KCNMB2: variants seen among roughly 807,000 people sequenced by gnomAD.
The protein encoded by KCNMB2 is calcium-activated potassium channel subunit beta-2.
Under a neutral mutation model 24.5 loss-of-function variants are expected in KCNMB2, and 9 were observed. That is an observed-to-expected ratio of 0.37 (90% confidence interval 0.22 to 0.64). The LOEUF is 0.64. KCNMB2 is among the 30% of genes least tolerant of loss of function. KCNMB2 has a pLI of 0.63. For missense variants in KCNMB2, 226 were observed against 284.3 expected (o/e 0.79, Z 1.47); for synonymous variants, 109 against 104.4 (o/e 1.04, Z -0.27).
chr3:178,766,826 A>G (rs1712141971), intron 1 of KCNMB2, among the ~76,000 whole-genome samples: 1 of 152,212 alleles, frequency 6.6e-6, no homozygotes, highest in African/African-American at 2.4e-5. Context: ...AACAACTTAC[A>G]TACCCTGAAA....
At chr3:178,820,681 A>C (rs1714589044) in intron 2 of KCNMB2, 1 of 152,690 alleles carries the variant, frequency 6.5e-6, no homozygotes, top group Admixed American at 6.5e-5. Context: ...ACTACATAAA[A>C]GGAGCTCAAA....
intron 4 of KCNMB2, among the ~76,000 whole-genome samples, chr3:178,837,083 C>A (rs1715261445): frequency 6.6e-6 from 1 of 152,106 alleles, no homozygotes; most frequent in Admixed American, 6.6e-5. Flanking sequence ...CAGCACAATG[C>A]AAATCTCCTA....
rs1430382950 is a variant in KCNMB2, at chr3:178,694,295, T to G, written c.-67-113048T>G. 3.3e-5 allele frequency among the ~76,000 whole-genome samples: 5 copies of G among 152,144 alleles called. 1 individual carries two copies. Among genetic ancestry groups the G allele is most frequent in the Admixed American group, 3.3e-4 (5 of 15,272 alleles). ...TCCACCTAGTCCCTCCTATAACATGTGGGGATCATGGGAACCACAATTAAA... is the reference window on the plus strand; with the variant it reads ...TCCACCTAGTCCCTCCTATAACATGGGGGGATCATGGGAACCACAATTAAA... On this transcript the variant is annotated intron_variant, in intron 1 of 4. Transcript: ENST00000452583.
chr3:178,693,819 G>A (rs1300192264), intron 1 of KCNMB2, among the ~76,000 whole-genome samples: 1 of 151,866 alleles, frequency 6.6e-6, no homozygotes, highest in Non-Finnish European at 1.5e-5. Context: ...AGTAGGAATT[G>A]TACCAGCTCT....
At chr3:178,573,095 C>T (rs187575852) in intron 1 of KCNMB2, among the ~76,000 whole-genome samples, 1 of 152,024 alleles carries the variant, frequency 6.6e-6, no homozygotes, top group Non-Finnish European at 1.5e-5. Context: ...CTGCAACTTT[C>T]GCCTCCCGGG....
chr3:178,833,062 C>A, intron 4 of KCNMB2, among the ~76,000 whole-genome samples: 1 of 22,910 alleles, frequency 4.4e-5, no homozygotes, highest in East Asian at 3.3e-4. Context: ...AAATTATTTC[C>A]ACTTACTTCT....
At chr3:178,661,385 A>C (rs1311275355) in intron 1 of KCNMB2, among the ~76,000 whole-genome samples, 2 of 152,116 alleles carry the variant, frequency 1.3e-5, no homozygotes, top group African/African-American at 4.8e-5. Flanking sequence ...TCTAGTCTAC[A>C]TTGATGGGCA....
chr3:178,700,702 A>G (rs1722058281), intron 1 of KCNMB2, among the ~76,000 whole-genome samples: 1 of 152,182 alleles, frequency 6.6e-6, no homozygotes, highest in African/African-American at 2.4e-5. Context: ...TGACATAGAA[A>G]CAAGAGCTCA....
chr3:178,594,570 A>G lies in KCNMB2; in HGVS notation c.-68+57859A>G, dbSNP rs1017585765. The stretch of plus-strand genomic sequence containing the variant: ...GATAGAATAGAAAGAGCATGTTTGC[A>G]GAGAATAGGAGCAAATTAGAAGTTC... On this transcript the variant is annotated intron_variant, in intron 1 of 4. Transcript: ENST00000452583. 2.0e-5 allele frequency among the ~76,000 whole-genome samples: 3 copies of G among 152,086 alleles called. No individual in the cohort carries two copies. In the South Asian group the frequency reaches 6.2e-4, roughly 31 times the overall value.
intron 1 of KCNMB2, among the ~76,000 whole-genome samples, chr3:178,597,572 A>T (rs147606359): frequency 1.3e-5 from 2 of 152,300 alleles, no homozygotes; most frequent in East Asian, 3.9e-4. Flanking sequence ...CATGCAAAGC[A>T]TGAATGGGAA....
chr3:178,817,165 C>A (rs1218535930), intron 2 of KCNMB2, among the ~76,000 whole-genome samples: 1 of 143,358 alleles, frequency 7.0e-6, no homozygotes, highest in African/African-American at 2.8e-5. Context: ...TGAATTAATA[C>A]GTTGGCAATA....
At chr3:178,710,299 C>T (rs567163344) in intron 1 of KCNMB2, among the ~76,000 whole-genome samples, 1 of 152,240 alleles carries the variant, frequency 6.6e-6, no homozygotes, top group South Asian at 2.1e-4. Context: ...GAGGTATATT[C>T]ACTTCTGAAC....
At chr3:178,599,967 T>C (rs1207501448) in intron 1 of KCNMB2, among the ~76,000 whole-genome samples, 1 of 152,194 alleles carries the variant, frequency 6.6e-6, no homozygotes, top group Non-Finnish European at 1.5e-5. Context: ...AATCTCCACT[T>C]CCTGGGTTTA....
chr3:178,699,138 G>T (rs1721990911), intron 1 of KCNMB2, among the ~76,000 whole-genome samples: 1 of 152,250 alleles, frequency 6.6e-6, no homozygotes, highest in Non-Finnish European at 1.5e-5. Context: ...TGCACTAGAA[G>T]TGGTGTTGGC....
intron 1 of KCNMB2, among the ~76,000 whole-genome samples, chr3:178,544,929 A>T (rs959279658): frequency 6.6e-6 from 1 of 152,204 alleles, no homozygotes; most frequent in Non-Finnish European, 1.5e-5. Context: ...TTTAAAAACA[A>T]CCTCTTGATT....
intron 1 of KCNMB2, among the ~76,000 whole-genome samples, chr3:178,703,220 A>G (rs1182483879): frequency 1.3e-5 from 2 of 152,148 alleles, no homozygotes; most frequent in Non-Finnish European, 2.9e-5. Context: ...CTAAGTGCCG[A>G]ATACATTCTT....
intron 1 of KCNMB2, among the ~76,000 whole-genome samples, chr3:178,589,184 G>A (rs537833304): frequency 2.0e-5 from 3 of 152,284 alleles, no homozygotes; most frequent in African/African-American, 7.2e-5. Flanking sequence ...CGTTCTAACA[G>A]CTCAGCTTCC....
chr3:178,835,723 G>GTTTA (rs1715203676), intron 4 of KCNMB2, among the ~76,000 whole-genome samples: 1 of 151,018 alleles, frequency 6.6e-6, no homozygotes, highest in Non-Finnish European at 1.5e-5. Context: ...GTTTTTGTTT[G>GTTTA]TTTGTTTGTT....
intron 1 of KCNMB2, among the ~76,000 whole-genome samples, chr3:178,720,733 G>A (rs1577124567): frequency 1.4e-5 from 2 of 138,746 alleles, no homozygotes; most frequent in Non-Finnish European, 3.1e-5. Flanking sequence ...GATGGCCAGT[G>A]ATGATGAGCA....
Sources: gnomAD v4.1 joint callset for allele counts (sites outside exome capture counted in the v4.1 genomes callset) on GRCh38, gnomAD v4.1.1 for gene constraint, MANE v1.5 for transcripts, NCBI Gene and HGNC (gene_info 2026-07-23, HGNC 2026-07-21) for gene names.